Variants in GPR158 observed in about 807,000 individuals in gnomAD.
GPR158 encodes the protein metabotropic glycine receptor.
In GPR158, 30 loss-of-function variants were observed where a neutral mutation model predicts 78.2. The observed-to-expected ratio is 0.38, with a 90% CI of 0.29 to 0.52. The LOEUF is 0.52. Ranked by LOEUF, GPR158 falls within the 20% of genes least tolerant of loss-of-function variation. GPR158 has a pLI of 0.83. For synonymous variants in GPR158, 581 were observed against 591.1 expected, an observed-to-expected ratio of 0.98 and a Z score of 0.25; for missense variants, 1,463 against 1,523.5, an observed-to-expected ratio of 0.96 and a Z score of 0.66.
intron 8 of GPR158, among the ~76,000 whole-genome samples, chr10:25,591,613 C>G (rs1020551720): frequency 1.3e-5 from 2 of 152,086 alleles, no homozygotes; most frequent in Non-Finnish European, 2.9e-5. Flanking sequence ...TCTATTACTT[C>G]TGAAAAGGGA....
At chr10:25,380,072 A>C (rs150203240) in intron 2 of GPR158, among the ~76,000 whole-genome samples, 2 of 151,940 alleles carry the variant, frequency 1.3e-5, no homozygotes, top group African/African-American at 4.8e-5. Context: ...AACTGAGTTC[A>C]GTTTTGTTCT....
intron 2 of GPR158, among the ~76,000 whole-genome samples, chr10:25,233,357 T>C (rs1191333248): frequency 1.3e-5 from 2 of 152,082 alleles, no homozygotes; most frequent in Non-Finnish European, 2.9e-5. Context: ...GTACAGTCTT[T>C]GTTTTATGCA....
chr10:25,451,697 C>G (rs1835219052), intron 4 of GPR158, among the ~76,000 whole-genome samples: 1 of 152,104 alleles, frequency 6.6e-6, no homozygotes, highest in African/African-American at 2.4e-5. Flanking sequence ...AATCCTCAGG[C>G]TTTTTCAATT....
chr10:25,401,977 A>T (rs1834453236), intron 3 of GPR158, among the ~76,000 whole-genome samples: 1 of 152,158 alleles, frequency 6.6e-6, no homozygotes, highest in East Asian at 1.9e-4. Context: ...AGGTGTTTAC[A>T]TTGCCTCTAA....
At chr10:25,184,984 G>A (rs1852661257) in intron 1 of GPR158, among the ~76,000 whole-genome samples, 1 of 152,118 alleles carries the variant, frequency 6.6e-6, no homozygotes, top group Non-Finnish European at 1.5e-5. Flanking sequence ...TTTGCTGTGG[G>A]GGCTGTCTTA....
chr10:25,331,478 T>C (rs960382828), intron 2 of GPR158, among the ~76,000 whole-genome samples: 5 of 152,216 alleles, frequency 3.3e-5, no homozygotes, highest in Non-Finnish European at 4.4e-5. Context: ...TTGATCTGTC[T>C]AGCATTTATT....
chr10:25,419,771 A>T (rs145155682), intron 4 of GPR158, among the ~76,000 whole-genome samples: 1 of 152,290 alleles, frequency 6.6e-6, no homozygotes, highest in Non-Finnish European at 1.5e-5. Context: ...ACAGTTGAAC[A>T]TCTTTTCATG....
intron 2 of GPR158, among the ~76,000 whole-genome samples, chr10:25,238,879 T>A (rs549711179): frequency 2.6e-5 from 4 of 152,342 alleles, no homozygotes; most frequent in African/African-American, 9.6e-5. Context: ...AGCTTCACAC[T>A]TTATACAGGT....
At chr10:25,295,119 A>G (rs1036578638) in intron 2 of GPR158, among the ~76,000 whole-genome samples, 2 of 152,146 alleles carry the variant, frequency 1.3e-5, no homozygotes, top group African/African-American at 4.8e-5. Flanking sequence ...TCTTACCCAC[A>G]TGTAACCCAA....
chr10:25,264,756 C>A (rs192498663), intron 2 of GPR158, among the ~76,000 whole-genome samples: 8 of 152,288 alleles, frequency 5.3e-5, no homozygotes, highest in African/African-American at 1.9e-4. Context: ...TAGTATCTTG[C>A]AGATCCTTCA....
chr10:25,420,860 T>G (rs1834739683), intron 4 of GPR158, among the ~76,000 whole-genome samples: 1 of 152,174 alleles, frequency 6.6e-6, no homozygotes. Context: ...TTGTTTTGAT[T>G]ACTATATCTT....
At chr10:25,192,620 A>G (rs1262096115) in intron 1 of GPR158, among the ~76,000 whole-genome samples, 1 of 152,170 alleles carries the variant, frequency 6.6e-6, no homozygotes, top group African/African-American at 2.4e-5. Context: ...ACAATCTTAT[A>G]TATGTAAAGA....
intron 1 of GPR158, among the ~76,000 whole-genome samples, chr10:25,202,258 AT>A (rs1010601770): frequency 3.9e-4 from 58 of 150,560 alleles, no homozygotes; most frequent in South Asian, 2.5e-3. Context: ...GAATTTATCC[AT>A]TTTTTTTTAT....
chr10:25,184,525 A>G (rs530585580), intron 1 of GPR158, among the ~76,000 whole-genome samples: 10 of 152,324 alleles, frequency 6.6e-5, no homozygotes, highest in Admixed American at 2.0e-4. Flanking sequence ...AAAACATGTA[A>G]CCACATTTTC....
chr10:25,366,379 TTG>T (rs1855724221), intron 2 of GPR158, among the ~76,000 whole-genome samples: 1 of 19,626 alleles, frequency 5.1e-5, no homozygotes, highest in African/African-American at 1.5e-4. Context: ...CACTAAAACT[TTG>T]TCAGTTTGAG....
intron 3 of GPR158, among the ~76,000 whole-genome samples, chr10:25,409,900 C>G (rs908109930): frequency 6.6e-6 from 1 of 152,146 alleles, no homozygotes. Flanking sequence ...TATTTAAATA[C>G]TATTCTATCT....
At chr10:25,189,841 TGTGTG>T (rs2130640682) in intron 1 of GPR158, among the ~76,000 whole-genome samples, 1 of 122,814 alleles carries the variant, frequency 8.1e-6, no homozygotes, top group East Asian at 3.5e-4. Flanking sequence ...AGCATGTGTG[TGTGTG>T]TGTGTGTGTG....
intron 4 of GPR158, among the ~76,000 whole-genome samples, chr10:25,429,664 G>A (rs1480035644): frequency 6.6e-6 from 1 of 151,192 alleles, no homozygotes; most frequent in Admixed American, 6.6e-5. Flanking sequence ...TATCCACCAT[G>A]ATCAAGTGGG....
At chr10:25,540,196 TCA>T in intron 5 of GPR158, among the ~76,000 whole-genome samples, 1 of 145,806 alleles carries the variant, frequency 6.9e-6, no homozygotes, top group African/African-American at 2.6e-5. Context: ...GAAAAAATGC[TCA>T]TCATCACTGG....
Sources: allele counts gnomAD v4.1 joint callset (sites outside exome capture counted in the v4.1 genomes callset), GRCh38; gene constraint gnomAD v4.1.1; transcripts MANE v1.5; gene names NCBI Gene and HGNC (gene_info 2026-07-23, HGNC 2026-07-21).